ILDR2: variants seen among roughly 807,000 people sequenced by gnomAD.
ILDR2 encodes immunoglobulin-like domain-containing receptor 2.
A neutral mutation model predicts 66.8 loss-of-function variants in ILDR2; 25 were observed. That is an observed-to-expected ratio of 0.37 (90% CI 0.27 to 0.52). The LOEUF (loss-of-function observed/expected upper bound fraction) is 0.52, where lower values mean the gene tolerates loss of function less well. Among genes scored for constraint, ILDR2 ranks in the 20% least tolerant of loss-of-function variants. The pLI is 0.88. For missense variants in ILDR2, 827 were observed against 876.8 expected, an observed-to-expected ratio of 0.94 and a Z score of 0.72; for synonymous variants, 367 against 357.2, an observed-to-expected ratio of 1.03 and a Z score of -0.31.
At chr1:166,942,562 T>A (rs1661369116) in intron 3 of ILDR2, among the ~76,000 whole-genome samples, 1 of 152,224 alleles carries the variant, frequency 6.6e-6, no homozygotes, top group Non-Finnish European at 1.5e-5. Flanking sequence ...ATACACAGTA[T>A]GTCTGCAGGC....
At position 166,963,064 on chromosome 1, in the gene ILDR2, T is replaced by A. The variant is rs528117515; in HGVS notation, c.47-4963A>T. On this transcript the variant is annotated intron_variant, in intron 1 of 9. Transcript: ENST00000271417. ...TTTTTATAAACTCATCCTTTCTCTA[T>A]CCCTTGCTCTTTTGCCAAAATACCA... Among the ~76,000 whole-genome samples the A allele has an allele frequency of 5.9e-5, 9 of 152,276 alleles. No individual in the cohort carries two copies. The South Asian group carries it at 1.2e-3, about 21-fold the overall frequency.
chr1:166,928,843 T>C (rs944267866), intron 6 of ILDR2, among the ~76,000 whole-genome samples: 3 of 152,232 alleles, frequency 2.0e-5, no homozygotes, highest in Non-Finnish European at 4.4e-5. Flanking sequence ...AAAAAATTAA[T>C]GAATCTCAGC....
At chr1:166,973,481 T>C (rs1412221705) in intron 1 of ILDR2, among the ~76,000 whole-genome samples, 1 of 152,006 alleles carries the variant, frequency 6.6e-6, no homozygotes. Context: ...TTCCATTTCA[T>C]AAAAAGCTGT....
At chr1:166,896,454 C>T (rs1659168385) in intron 2 of ILDR2, among the ~76,000 whole-genome samples, 2 of 151,972 alleles carry the variant, frequency 1.3e-5, no homozygotes, top group East Asian at 1.9e-4. Flanking sequence ...CAGTCAGTGG[C>T]TCTCAAGTAG....
intron 5 of ILDR2, 114 bp from the exon 6 acceptor site, chr1:166,935,591 T>C (rs1415628376): frequency 3.3e-6 from 3 of 897,334 alleles, no homozygotes; most frequent in African/African-American, 3.4e-5. Flanking sequence ...TGTATGTGCA[T>C]GTGTGAGCGT....
intron 3 of ILDR2, 139 bp downstream of exon 3, chr1:166,956,594 C>T: frequency 1.2e-6 from 1 of 861,940 alleles, no homozygotes; most frequent in Admixed American, 2.5e-5. Flanking sequence ...AGAGCATATT[C>T]TAAAAGGGAG....
chr1:166,937,069 G>C (rs978214446), intron 4 of ILDR2, among the ~76,000 whole-genome samples: 6 of 152,218 alleles, frequency 3.9e-5, no homozygotes, highest in African/African-American at 1.4e-4. Flanking sequence ...ATAAGGATGG[G>C]ACCAGAGCTG....
rs1308221980 is a variant in ILDR2 at position 166,920,854 on chromosome 1, C to T, written c.1737G>A (p.Ser579=). The change falls in exon 9 of 10, where the codon TCG becomes TCA. Residue 579 remains serine, a synonymous_variant. Transcript: ENST00000271417. ...SPPGTYKAGS[S]QDDQEDASDD... ...CGGACGCGTCCTCCTGGTCGTCCTG[C>T]GACGAGCCGGCCTTGTAGGTGCCGG... is the stretch of plus-strand genomic sequence containing the variant. The T allele has an allele frequency of 4.6e-6, 7 of 1,508,724 alleles. No homozygotes were observed. In the Middle Eastern group the frequency reaches 7.0e-4, roughly 150 times the overall value. The allele number at this position is 1,508,724 out of a possible 1,614,324, so 93.5% of individuals were successfully genotyped here.
At chr1:166,907,976 C>T (rs1410225347), downstream of ILDR2, 1 of 152,100 alleles carries the variant, frequency 6.6e-6, no homozygotes, top group Non-Finnish European at 1.5e-5. Context: ...GCTGGCCATC[C>T]CTGAGAACAG....
Position 166,936,712 on chromosome 1 carries a change from G to C in ILDR2, c.582C>G (p.Leu194=). 1 of 1,614,114 alleles carries C rather than the reference G, an allele frequency of 6.2e-7. No individual in the cohort carries two copies. Among genetic ancestry groups the C allele is most frequent in the Middle Eastern group, 1.6e-4 (1 of 6,062 alleles). The part of the protein sequence containing the change: ...MPEWVFVGLV[L]LGVFLFFVLV... ...GGACGAAGAAGAGGAAGACGCCCAG[G>C]AGCACCAGGCCAACAAACACCCACT... Residue 194 remains leucine (L), a synonymous_variant, in exon 5 of 10, where the codon CTC becomes CTG. Coordinates refer to ENST00000271417, the MANE Select transcript of ILDR2 (RefSeq NM_199351.3). The surrounding 1 kb of genome is among the most constrained non-coding windows in gnomAD (Gnocchi z 5.0).
At chr1:166,922,528 G>T (rs747301669) in intron 8 of ILDR2, 65 bp downstream of exon 8, 4 of 1,342,996 alleles carry the variant, frequency 3.0e-6, no homozygotes, top group South Asian at 1.2e-5. Context: ...CCTTGCCTCC[G>T]ATCTACCCTG....
chr1:166,929,760 G>T (rs1225851140), intron 6 of ILDR2, among the ~76,000 whole-genome samples: 1 of 152,208 alleles, frequency 6.6e-6, no homozygotes, highest in East Asian at 1.9e-4. Context: ...GAGAAACTGG[G>T]AATAGAAACC....
intron 9 of ILDR2, among the ~76,000 whole-genome samples, chr1:166,919,987 C>T (rs1022603230): frequency 6.6e-6 from 1 of 152,180 alleles, no homozygotes; most frequent in African/African-American, 2.4e-5. Flanking sequence ...ACATTTGTGA[C>T]TGTCCCCCAA....
chr1:166,927,851 T>C (rs1660395316), intron 6 of ILDR2, among the ~76,000 whole-genome samples: 1 of 152,246 alleles, frequency 6.6e-6, no homozygotes, highest in Admixed American at 6.5e-5. Flanking sequence ...TTAGACATGA[T>C]TAATTTGACC....
chr1:166,902,437 T>C (rs1307215513), intron 2 of ILDR2, among the ~76,000 whole-genome samples: 1 of 152,142 alleles, frequency 6.6e-6, no homozygotes, highest in Non-Finnish European at 1.5e-5. Flanking sequence ...TCTAAGCCAA[T>C]CAGAGGGCAG....
chr1:166,953,886 T>C (rs1662125988), intron 3 of ILDR2, among the ~76,000 whole-genome samples: 1 of 152,250 alleles, frequency 6.6e-6, no homozygotes, highest in South Asian at 2.1e-4. Flanking sequence ...TTTCTGAGAA[T>C]ACTTATTCCA....
intron 6 of ILDR2, among the ~76,000 whole-genome samples, chr1:166,929,959 C>A (rs1660538025): frequency 6.6e-6 from 1 of 152,080 alleles, no homozygotes; most frequent in South Asian, 2.1e-4. Context: ...CTACCTGGAG[C>A]TGTGGTTTTA....
intron 1 of ILDR2, among the ~76,000 whole-genome samples, chr1:166,958,385 C>T (rs1374063052): frequency 6.6e-6 from 1 of 152,076 alleles, no homozygotes; most frequent in Non-Finnish European, 1.5e-5. Context: ...GTGCTGTTCT[C>T]GTGGTAGGGA....
rs114947380 is a variant in ILDR2 at position 166,938,399 on chromosome 1, G to A, written c.556+1115C>T. The stretch of plus-strand genomic sequence containing the variant: ...TATGGGGCCAGATATGAAAAACACA[G>A]TAACTCTTTCTTGAGACTGGGACAT... On this transcript the variant is annotated intron_variant, in intron 4 of 9. Transcript: ENST00000271417. 6.3e-3 allele frequency among the ~76,000 whole-genome samples: 955 copies of A among 152,294 alleles called. 8 individuals carry two copies. The highest frequency in any genetic ancestry group is 0.021 in the African/African-American group (888 of 41,562).
Sources: gnomAD v4.1 joint callset for allele counts (sites outside exome capture counted in the v4.1 genomes callset) on GRCh38, gnomAD v4.1.1 for gene constraint, Gnocchi (gnomAD v3.1) non-coding constraint, MANE v1.5 for transcripts, NCBI Gene and HGNC (gene_info 2026-07-23, HGNC 2026-07-21) for gene names.